The following NARS2 variants were observed in gnomAD, a reference collection of about 807,000 sequenced individuals.
NARS2 encodes asparaginyl-tRNA synthetase 2, mitochondrial, also known as asparaginyl-tRNA synthetase.
A neutral mutation model predicts 62.9 loss-of-function variants in NARS2; 60 were observed. The observed-to-expected ratio is 0.95, with a 90% CI of 0.77 to 1.18. The LOEUF is 1.18. Ranked by LOEUF, NARS2 falls within the 50% of genes most tolerant of loss-of-function variation. The pLI, the probability that NARS2 is intolerant of heterozygous loss-of-function variation, is 0.00. For missense variants in NARS2, 619 were observed against 576.4 expected, an observed-to-expected ratio of 1.07 and a Z score of -0.76; for synonymous variants, 196 against 200.0, an observed-to-expected ratio of 0.98 and a Z score of 0.17.
chr11:78,459,157 C>G (rs1460448065), intron 11 of NARS2, among the ~76,000 whole-genome samples: 1 of 151,666 alleles, frequency 6.6e-6, no homozygotes, highest in Non-Finnish European at 1.5e-5. Flanking sequence ...TCAGGTGATC[C>G]ACCAGCCTTG....
At chr11:78,572,752 C>A (rs778454694) in intron 1 of NARS2, among the ~76,000 whole-genome samples, 1 of 152,006 alleles carries the variant, frequency 6.6e-6, no homozygotes, top group Non-Finnish European at 1.5e-5. Flanking sequence ...TTTGTGGCCA[C>A]GTTAAACATA....
At chr11:78,461,866 T>C (rs989507135) in intron 11 of NARS2, among the ~76,000 whole-genome samples, 6 of 151,506 alleles carry the variant, frequency 4.0e-5, no homozygotes, top group East Asian at 1.9e-4. Flanking sequence ...GGCAGGAGAA[T>C]TGCTTGAACC....
chr11:78,447,672 A>G (rs892299795), intron 11 of NARS2, among the ~76,000 whole-genome samples: 1 of 152,148 alleles, frequency 6.6e-6, no homozygotes, highest in African/African-American at 2.4e-5. Flanking sequence ...CAGCCTTAAG[A>G]AGGGGGTAAA....
intron 1 of NARS2, chr11:78,571,756 C>T (rs1412483047): frequency 4.4e-6 from 1 of 228,684 alleles, no homozygotes; most frequent in East Asian, 9.2e-5. Flanking sequence ...GGTATTTCCT[C>T]CCAGAGCCCT....
chr11:78,519,272 T>C (rs1364150988), intron 6 of NARS2, among the ~76,000 whole-genome samples: 4 of 152,136 alleles, frequency 2.6e-5, no homozygotes, highest in Non-Finnish European at 4.4e-5. Flanking sequence ...GGAGTCAATT[T>C]AGAACTGCAT....
chr11:78,468,310 G>GGAAA (rs1555015326), intron 10 of NARS2, among the ~76,000 whole-genome samples: 1 of 67,436 alleles, frequency 1.5e-5, no homozygotes, highest in Non-Finnish European at 2.9e-5. Flanking sequence ...CACTAAATCT[G>GGAAA]AAAAAAAAAA....
At chr11:78,572,273 G>C (rs759433803) in intron 1 of NARS2, among the ~76,000 whole-genome samples, 24 of 152,160 alleles carry the variant, frequency 1.6e-4, no homozygotes, top group Admixed American at 3.3e-4. Context: ...ACTTTGTAAT[G>C]TGCTTCTATT....
At chr11:78,501,614 A>G (rs1860285447) in intron 6 of NARS2, among the ~76,000 whole-genome samples, 2 of 152,238 alleles carry the variant, frequency 1.3e-5, no homozygotes, top group Admixed American at 1.3e-4. Flanking sequence ...TGATAAAGAA[A>G]TACTGCCCTA....
At chr11:78,561,979 G>A (rs1372615809) in intron 4 of NARS2, among the ~76,000 whole-genome samples, 1 of 152,048 alleles carries the variant, frequency 6.6e-6, no homozygotes, top group Non-Finnish European at 1.5e-5. Context: ...AGGTTGCAGT[G>A]AGCCGAGATC....
chr11:78,569,407 G>A (rs1265918545), intron 2 of NARS2, among the ~76,000 whole-genome samples: 2 of 152,112 alleles, frequency 1.3e-5, no homozygotes. Flanking sequence ...CTCCTGCCTT[G>A]GCCTCCCAAA....
At chr11:78,500,280 G>C (rs1189839366) in intron 6 of NARS2, among the ~76,000 whole-genome samples, 2 of 152,022 alleles carry the variant, frequency 1.3e-5, no homozygotes, top group Non-Finnish European at 2.9e-5. Context: ...CTTAATTTCT[G>C]TAAGACTAAA....
intron 4 of NARS2, among the ~76,000 whole-genome samples, chr11:78,564,048 G>A (rs1411586410): frequency 6.7e-6 from 1 of 149,176 alleles, no homozygotes; most frequent in African/African-American, 2.5e-5. Context: ...ACAGGCACAC[G>A]CCACCATACC....
At chr11:78,505,816 G>T (rs1264084766) in intron 6 of NARS2, among the ~76,000 whole-genome samples, 1 of 152,018 alleles carries the variant, frequency 6.6e-6, no homozygotes, top group Non-Finnish European at 1.5e-5. Context: ...CAATCTTTTG[G>T]ACAGGATAAA....
chr11:78,493,001 A>G (rs1859891020), intron 7 of NARS2, 62 bp downstream of exon 7: 1 of 1,457,492 alleles, frequency 6.9e-7, no homozygotes, highest in Admixed American at 2.2e-5. Context: ...TCCGAGGTAA[A>G]AATATATACA....
chr11:78,544,611 G>T (rs574437076), intron 5 of NARS2, among the ~76,000 whole-genome samples: 1 of 151,938 alleles, frequency 6.6e-6, no homozygotes, highest in East Asian at 1.9e-4. Context: ...TGGCTAACAC[G>T]GTGAAACCCC....
intron 1 of NARS2, chr11:78,573,510 T>TG (rs1400935341): frequency 6.6e-6 from 1 of 152,258 alleles, no homozygotes; most frequent in Admixed American, 6.5e-5. Context: ...CGCTCCAGTC[T>TG]GGGTGACAGA....
chr11:78,474,499 G>C (rs1333052591), intron 9 of NARS2, among the ~76,000 whole-genome samples: 2 of 152,152 alleles, frequency 1.3e-5, no homozygotes, highest in Admixed American at 1.3e-4. Flanking sequence ...GCCAGGATTA[G>C]AATCCAGGTT....
chr11:78,544,652 G>T (rs2135472084), intron 5 of NARS2, among the ~76,000 whole-genome samples: 1 of 152,222 alleles, frequency 6.6e-6, no homozygotes, highest in Non-Finnish European at 1.5e-5. Context: ...AAATTAGCCA[G>T]GCGCGGTGGT....
intron 6 of NARS2, among the ~76,000 whole-genome samples, chr11:78,504,313 T>C (rs1417257297): frequency 6.6e-6 from 1 of 152,130 alleles, no homozygotes; most frequent in Non-Finnish European, 1.5e-5. Context: ...ACATGCTAAA[T>C]CCACCTCTTA....
Sources: gnomAD v4.1 joint callset for allele counts (sites outside exome capture counted in the v4.1 genomes callset) on GRCh38, gnomAD v4.1.1 for gene constraint, MANE v1.5 for transcripts, NCBI Gene and HGNC (gene_info 2026-07-23, HGNC 2026-07-21) for gene names.